CCDC171: variants seen among roughly 807,000 people sequenced by gnomAD.
CCDC171 encodes the protein coiled-coil domain containing 171.
In CCDC171, 177 loss-of-function variants were observed where a neutral mutation model predicts 168.2. The observed-to-expected ratio is 1.05, with a 90% CI of 0.93 to 1.19. The LOEUF (loss-of-function observed/expected upper bound fraction) is 1.19. CCDC171 is among the 50% of genes most tolerant of loss of function. CCDC171 has a pLI of 0.00. For missense variants in CCDC171, 1,991 were observed against 1,539.0 expected (o/e 1.29, Z -4.91); for synonymous variants, 687 against 540.8 (o/e 1.27, Z -3.75).
At chr9:15,846,899 C>A in intron 22 of CCDC171, 52 bp downstream of exon 22, 1 of 1,504,352 alleles carries the variant, frequency 6.6e-7, no homozygotes, top group South Asian at 1.2e-5. Flanking sequence ...AAGATCAATT[C>A]TTACTTTCAT....
intron 6 of CCDC171, among the ~76,000 whole-genome samples, chr9:15,594,842 G>C (rs1466951877): frequency 3.3e-5 from 5 of 152,030 alleles, no homozygotes; most frequent in Non-Finnish European, 5.9e-5. Flanking sequence ...AGTGTGTTGT[G>C]TGTTTTAAAG....
intron 21 of CCDC171, among the ~76,000 whole-genome samples, chr9:15,806,901 C>G (rs1036135381): frequency 1.3e-5 from 2 of 152,128 alleles, no homozygotes; most frequent in African/African-American, 4.8e-5. Flanking sequence ...TCCCATGTTT[C>G]TCAGAGGCTT....
At chr9:15,906,994 A>T (rs1267191266) in intron 24 of CCDC171, among the ~76,000 whole-genome samples, 1 of 152,150 alleles carries the variant, frequency 6.6e-6, no homozygotes, top group East Asian at 1.9e-4. Flanking sequence ...CCACTGCTCA[A>T]TGAAATAAAA....
intron 23 of CCDC171, among the ~76,000 whole-genome samples, chr9:15,857,418 G>A (rs1480440989): frequency 3.3e-5 from 5 of 151,752 alleles, no homozygotes; most frequent in Admixed American, 6.6e-5. Context: ...ATGGTGTAAG[G>A]TAGGCTCCAT....
intron 24 of CCDC171, among the ~76,000 whole-genome samples, chr9:15,908,505 T>A (rs1209598701): frequency 3.5e-5 from 4 of 115,636 alleles, no homozygotes; most frequent in Non-Finnish European, 6.8e-5. Context: ...GGGCCTGTTG[T>A]CGGGTGGGGG....
chr9:15,941,711 G>A (rs892675039), intron 25 of CCDC171, among the ~76,000 whole-genome samples: 16 of 152,044 alleles, frequency 1.1e-4, no homozygotes, highest in Middle Eastern at 6.8e-3. Flanking sequence ...GTGCTAGACA[G>A]TAGCAGCCTG....
At chr9:15,701,398 A>G (rs1009670534) in intron 11 of CCDC171, among the ~76,000 whole-genome samples, 2 of 151,932 alleles carry the variant, frequency 1.3e-5, no homozygotes, top group African/African-American at 4.8e-5. Context: ...TCTTTACTCC[A>G]TTTTTAGTTG....
At chr9:15,721,426 G>A (rs1045889876) in intron 11 of CCDC171, among the ~76,000 whole-genome samples, 6 of 151,522 alleles carry the variant, frequency 4.0e-5, no homozygotes, top group South Asian at 2.1e-4. Flanking sequence ...AAACACTGCC[G>A]TTACTTAGGA....
chr9:15,595,613 C>G (rs1323564443), intron 6 of CCDC171, among the ~76,000 whole-genome samples: 1 of 152,094 alleles, frequency 6.6e-6, no homozygotes, highest in East Asian at 1.9e-4. Flanking sequence ...AAACATACAT[C>G]TGCATGTGTC....
intron 3 of CCDC171, among the ~76,000 whole-genome samples, chr9:15,983,812 A>AAGAG (rs768227891): frequency 6.0e-4 from 26 of 43,320 alleles, no homozygotes; most frequent in African/African-American, 2.8e-3. Context: ...GAGCTAAATA[A>AAGAG]AGAGAGTGTG....
intron 24 of CCDC171, among the ~76,000 whole-genome samples, chr9:15,904,251 A>G (rs1822163370): frequency 6.6e-6 from 1 of 152,152 alleles, no homozygotes; most frequent in Non-Finnish European, 1.5e-5. Flanking sequence ...GAAATGAAGG[A>G]AAAAATGTTA....
At chr9:16,093,142 C>T in the CCDC171 span, among the ~76,000 whole-genome samples, 7 of 152,206 alleles carry the variant, frequency 4.6e-5, no homozygotes, top group African/African-American at 2.4e-5. Flanking sequence ...GCCATTTTCT[C>T]GTCTCAAATA....
At chr9:15,708,961 CT>C (rs990046519) in intron 11 of CCDC171, among the ~76,000 whole-genome samples, 9 of 151,736 alleles carry the variant, frequency 5.9e-5, no homozygotes, top group African/African-American at 1.2e-4. Context: ...GGGTTTTACT[CT>C]TTTTTTTCAT....
chr9:15,741,224 T>C (rs545691684), intron 16 of CCDC171, among the ~76,000 whole-genome samples: 1 of 152,320 alleles, frequency 6.6e-6, no homozygotes, highest in East Asian at 1.9e-4. Context: ...CCATCACCAC[T>C]ATTTAGCTCG....
chr9:15,788,926 T>C (rs2058106721), intron 21 of CCDC171, among the ~76,000 whole-genome samples: 1 of 152,120 alleles, frequency 6.6e-6, no homozygotes, highest in Non-Finnish European at 1.5e-5. Flanking sequence ...GCCTTTTGTT[T>C]TAATACAGCT....
chr9:15,680,390 A>G (rs990855232), intron 10 of CCDC171, among the ~76,000 whole-genome samples: 1 of 152,164 alleles, frequency 6.6e-6, no homozygotes, highest in African/African-American at 2.4e-5. Flanking sequence ...CAAAAGTTTT[A>G]GTGATTTAGT....
At chr9:15,637,942 G>A (rs2046326050) in intron 7 of CCDC171, among the ~76,000 whole-genome samples, 1 of 152,098 alleles carries the variant, frequency 6.6e-6, no homozygotes, top group Non-Finnish European at 1.5e-5. Context: ...GTGTGCATGT[G>A]TCTTTATAAC....
intron 3 of CCDC171, 66 bp from the exon 4 acceptor site, chr9:15,578,783 T>C: frequency 3.0e-6 from 4 of 1,316,728 alleles, no homozygotes; most frequent in Non-Finnish European, 3.1e-6. Context: ...TCTAAGAAAC[T>C]TAAATGTTTG....
intron 25 of CCDC171, among the ~76,000 whole-genome samples, chr9:15,928,879 T>C (rs1826185667): frequency 6.6e-6 from 1 of 151,712 alleles, no homozygotes; most frequent in Non-Finnish European, 1.5e-5. Context: ...AACAGGGGCC[T>C]GGAGTTATTG....
Sources: allele counts gnomAD v4.1 joint callset (sites outside exome capture counted in the v4.1 genomes callset), GRCh38; gene constraint gnomAD v4.1.1; transcripts MANE v1.5; gene names NCBI Gene and HGNC (gene_info 2026-07-23, HGNC 2026-07-21).